Variants in SERPINB12 observed in about 807,000 individuals in gnomAD.
SERPINB12 encodes serpin B12.
SERPINB12 carries 57 observed loss-of-function variants against 41.1 expected under a neutral mutation model. The observed-to-expected ratio is 1.39, with a 90% CI of 1.12 to 1.73. The LOEUF is 1.73. Among genes scored for constraint, SERPINB12 ranks in the 40% most tolerant of loss-of-function variants. The pLI is 0.00. For synonymous variants in SERPINB12, 180 were observed against 181.3 expected (o/e 0.99, Z 0.06); for missense variants, 536 against 501.9 (o/e 1.07, Z -0.65).
chr18:63,566,691 C>A lies in SERPINB12; in HGVS notation c.958C>A (p.Pro320Thr). The change falls in exon 8 of 8, where the codon CCC becomes ACC. Residue 320 changes from proline (P) to threonine (T), a missense_variant. Pro to Thr is a conservative substitution (Grantham distance 38, BLOSUM62 -1). Coordinates refer to ENST00000382768, the MANE Select transcript of SERPINB12 (RefSeq NM_001307928.2). Reference protein sequence around the residue: ...MSEESVVLSFPRFTLEDSYDL... With the variant: ...MSEESVVLSFTRFTLEDSYDL... ...AGAAGAATCGGTGGTCCTGTCCTTC[C>A]CCCGGTTCACCCTGGAAGACAGCTA... 6.2e-7 allele frequency: 1 copy of A among 1,614,044 alleles called. No individual in the cohort carries two copies. The highest frequency in any genetic ancestry group is 8.5e-7 in the Non-Finnish European group (1 of 1,179,980).
chr18:63,553,315 G>T (rs1373357272), intron 1 of SERPINB12, among the ~76,000 whole-genome samples: 1 of 152,200 alleles, frequency 6.6e-6, no homozygotes, highest in Non-Finnish European at 1.5e-5. Flanking sequence ...GCCTTGCTTT[G>T]CTTCTGGACA....
intron 1 of SERPINB12, among the ~76,000 whole-genome samples, chr18:63,545,965 A>C (rs1306043312): frequency 6.6e-6 from 1 of 152,202 alleles, no homozygotes; most frequent in Non-Finnish European, 1.5e-5. Context: ...ACTATTGATA[A>C]TTCAGAAAAA....
chr18:63,537,063 T>C, the SERPINB12 span, among the ~76,000 whole-genome samples: 1 of 152,142 alleles, frequency 6.6e-6, no homozygotes, highest in African/African-American at 2.4e-5. Context: ...TCTTTGGAAG[T>C]GGAACAACTA....
the SERPINB12 span, among the ~76,000 whole-genome samples, chr18:63,523,413 A>C: frequency 6.6e-6 from 1 of 152,196 alleles, no homozygotes; most frequent in African/African-American, 2.4e-5. Flanking sequence ...AACCTCCTTC[A>C]GCGTGATTGC....
chr18:63,559,686 C>A lies in SERPINB12; in HGVS notation c.412C>A (p.Leu138Ile). Residue 138 changes from leucine to isoleucine, a missense_variant, in exon 4 of 8, where the codon CTT becomes ATT. Leu to Ile is a conservative substitution (Grantham distance 5, BLOSUM62 2). Coordinates refer to ENST00000382768, the MANE Select transcript of SERPINB12 (RefSeq NM_001307928.2). ...TDYTLSIANRLYGEQEFPICQ... is the reference protein window; with the variant it reads ...TDYTLSIANRIYGEQEFPICQ... ...TTACACACTGAGTATTGCCAACAGG[C>A]TTTATGGAGAGCAGGAATTCCCAAT... The A allele has an allele frequency of 1.2e-6, 2 of 1,614,082 alleles. No homozygotes were observed. Among genetic ancestry groups the A allele is most frequent in the Non-Finnish European group, 1.7e-6 (2 of 1,179,986 alleles).
chr18:63,559,523 T>C, intron 3 of SERPINB12, 55 bp from the exon 4 acceptor site: 1 of 1,587,144 alleles, frequency 6.3e-7, no homozygotes, highest in South Asian at 1.1e-5. Flanking sequence ...TTTAGCGGTG[T>C]TTAGCTCTTC....
At chr18:63,550,815 T>C (rs908957256) in intron 1 of SERPINB12, among the ~76,000 whole-genome samples, 5 of 152,174 alleles carry the variant, frequency 3.3e-5, no homozygotes, top group Non-Finnish European at 7.3e-5. Context: ...TCATGGATTT[T>C]TGTTGACTTT....
At chr18:63,546,569 A>G (rs1910392356) in intron 1 of SERPINB12, among the ~76,000 whole-genome samples, 1 of 152,232 alleles carries the variant, frequency 6.6e-6, no homozygotes, top group Non-Finnish European at 1.5e-5. Context: ...AAAAATTCAA[A>G]TATAAGAAAT....
Position 63,559,697 on chromosome 18 carries a change from G to A in SERPINB12, c.423G>A (p.Glu141=). The change falls in exon 4 of 8, where the codon GAG becomes GAA. Residue 141 remains glutamate, a synonymous_variant. Transcript: ENST00000382768. The stretch of plus-strand genomic sequence containing the variant: ...GTATTGCCAACAGGCTTTATGGAGA[G>A]CAGGAATTCCCAATCTGTCAGGTGA... ...TLSIANRLYG[E]QEFPICQEYL... 3 of 1,614,076 alleles carry A rather than the reference G, an allele frequency of 1.9e-6. No homozygotes were observed. The highest frequency in any genetic ancestry group is 2.5e-6 in the Non-Finnish European group (3 of 1,179,986).
At chr18:63,559,073 CCT>C (rs1910806771) in intron 3 of SERPINB12, among the ~76,000 whole-genome samples, 1 of 125,612 alleles carries the variant, frequency 8.0e-6, no homozygotes, top group African/African-American at 3.5e-5. Context: ...CTTCTTCTCT[CCT>C]TCTCTCCTTC....
At chr18:63,541,279 A>G (rs1910268025), upstream of SERPINB12, among the ~76,000 whole-genome samples, 1 of 152,150 alleles carries the variant, frequency 6.6e-6, no homozygotes, top group African/African-American at 2.4e-5. Flanking sequence ...CACCCACAGC[A>G]CCATAGGGCT....
intron 5 of SERPINB12, among the ~76,000 whole-genome samples, chr18:63,561,818 T>C (rs1351684532): frequency 6.6e-6 from 1 of 152,124 alleles, no homozygotes; most frequent in African/African-American, 2.4e-5. Flanking sequence ...CACTTATAAG[T>C]GGGAGCTAAA....
rs534122525 is a variant in SERPINB12 at position 63,559,609 on chromosome 18, T to C, written c.335T>C (p.Val112Ala). Reference sequence around the variant, plus strand: ...TCCTTAAACAATGAGAGCGGACTGGTCAGCTGCTACTTTGGGCAGCTTCTC... The same window carrying C: ...TCCTTAAACAATGAGAGCGGACTGGCCAGCTGCTACTTTGGGCAGCTTCTC... ...AGSLNNESGL[V>A]SCYFGQLLSK... The change falls in exon 4 of 8, where the codon GTC becomes GCC. Residue 112 changes from valine to alanine, a missense_variant. Val to Ala is a moderately conservative substitution (Grantham distance 64). Transcript: ENST00000382768. The C allele has an allele frequency of 6.2e-7, 1 of 1,614,152 alleles. No individual in the cohort carries two copies. The highest frequency in any genetic ancestry group is 1.1e-5 in the South Asian group (1 of 91,068).
the SERPINB12 span, among the ~76,000 whole-genome samples, chr18:63,520,151 T>C: frequency 1.3e-4 from 20 of 152,158 alleles, no homozygotes; most frequent in African/African-American, 4.8e-4. Flanking sequence ...GTTCCATGAG[T>C]AACCTTTTCC....
intron 3 of SERPINB12, 88 bp downstream of exon 3, chr18:63,558,574 C>A (rs1404211682): frequency 4.6e-5 from 63 of 1,366,234 alleles, no homozygotes; most frequent in Non-Finnish European, 6.0e-5. Context: ...GTTGCTTATC[C>A]CCAAATATTA....
rs1474110633 is a variant in SERPINB12 at position 63,565,436 on chromosome 18, C to T, written c.706-9C>T. Reference sequence around the variant, plus strand: ...GCCGTCCTGTGACCTCCTACCTTGACTACTACAGAATGAAAACAAGAGTGT... The same window carrying T: ...GCCGTCCTGTGACCTCCTACCTTGATTACTACAGAATGAAAACAAGAGTGT... On this transcript the variant is annotated splice_polypyrimidine_tract_variant and intron_variant, in intron 6 of 7. Transcript: ENST00000382768. 6 of 1,611,558 alleles carry T rather than the reference C, an allele frequency of 3.7e-6. No homozygotes were observed. The highest frequency in any genetic ancestry group is 3.4e-6 in the Non-Finnish European group (4 of 1,178,836).
At chr18:63,554,310 C>T (rs1363670617) in intron 1 of SERPINB12, among the ~76,000 whole-genome samples, 5 of 152,140 alleles carry the variant, frequency 3.3e-5, no homozygotes, top group Admixed American at 1.3e-4. Context: ...TCATATCTAC[C>T]TTGCAGAGTT....
At chr18:63,549,535 C>T (rs921463394) in intron 1 of SERPINB12, among the ~76,000 whole-genome samples, 1 of 127,332 alleles carries the variant, frequency 7.9e-6, no homozygotes, top group African/African-American at 2.9e-5. Context: ...GTAAGTCACT[C>T]CCAATTAGGC....
the SERPINB12 span, among the ~76,000 whole-genome samples, chr18:63,528,503 A>G: frequency 1.3e-5 from 2 of 152,132 alleles, no homozygotes; most frequent in African/African-American, 4.8e-5. Context: ...AGTGTCTTTT[A>G]ATTTTGGCCA....
Sources: gnomAD v4.1 joint callset for allele counts (sites outside exome capture counted in the v4.1 genomes callset) on GRCh38, gnomAD v4.1.1 for gene constraint, MANE v1.5 for transcripts, NCBI Gene and HGNC (gene_info 2026-07-23, HGNC 2026-07-21) for gene names.